The following SEMA3A variants were observed in gnomAD, a reference collection of about 807,000 sequenced individuals.
SEMA3A encodes semaphorin 3A, also known as semaphorin-3A.
SEMA3A carries 29 observed loss-of-function variants against 97.9 expected under a neutral mutation model. The ratio of observed to expected loss-of-function variants is 0.30; its 90% confidence interval spans 0.22 to 0.40. The LOEUF (loss-of-function observed/expected upper bound fraction) is 0.40, where lower values mean the gene tolerates loss of function less well. SEMA3A is among the 10% of genes least tolerant of loss of function. SEMA3A has a pLI of 1.00. For missense variants in SEMA3A, 763 were observed against 951.3 expected (o/e 0.80, Z 2.60); for synonymous variants, 321 against 323.7 (o/e 0.99, Z 0.09).
intron 3 of SEMA3A, among the ~76,000 whole-genome samples, chr7:84,256,105 T>C: frequency 6.6e-6 from 1 of 152,078 alleles, no homozygotes; most frequent in East Asian, 1.9e-4. Context: ...TACAGTCCCA[T>C]ACCTGCTTAA....
intron 2 of SEMA3A, among the ~76,000 whole-genome samples, chr7:84,310,089 T>G (rs1260972119): frequency 6.6e-6 from 1 of 152,108 alleles, no homozygotes; most frequent in Admixed American, 6.6e-5. Context: ...ATAGCCTAAT[T>G]ATACAATGGA....
chr7:84,212,499 G>A (rs1167196812), intron 3 of SEMA3A, among the ~76,000 whole-genome samples: 4 of 151,776 alleles, frequency 2.6e-5, no homozygotes, highest in Admixed American at 2.6e-4. Flanking sequence ...GTTTTAGGTT[G>A]CTATAACAAA....
chr7:83,993,566 C>T (rs931664331), intron 12 of SEMA3A, among the ~76,000 whole-genome samples: 8 of 149,300 alleles, frequency 5.4e-5, no homozygotes, highest in African/African-American at 1.0e-4. Flanking sequence ...ATTTCTCCTT[C>T]GCTTATGAAG....
chr7:84,308,824 C>CT (rs35125279), intron 2 of SEMA3A, among the ~76,000 whole-genome samples: 17 of 144,944 alleles, frequency 1.2e-4, no homozygotes, highest in Admixed American at 2.8e-4. Context: ...CTTTTTTTTT[C>CT]TTTTTTTTTT....
At chr7:84,445,475 C>T (rs1180877761) in intron 1 of SEMA3A, among the ~76,000 whole-genome samples, 1 of 82,800 alleles carries the variant, frequency 1.2e-5, no homozygotes, top group African/African-American at 4.5e-5. Context: ...GCCTGGGCGA[C>T]AGAGTGAGAC....
At chr7:84,158,062 A>C (rs1261202570) in intron 1 of SEMA3A, among the ~76,000 whole-genome samples, 1 of 150,664 alleles carries the variant, frequency 6.6e-6, no homozygotes, top group African/African-American at 2.4e-5. Context: ...AGCTGATGCT[A>C]TAACTTGGGT....
chr7:84,391,959 CA>C (rs34411145), intron 1 of SEMA3A, among the ~76,000 whole-genome samples: 16,906 of 144,020 alleles, frequency 0.12, 1,154 homozygotes, highest in East Asian at 0.3. Context: ...GACCCTGTCT[CA>C]AAAAAAAAAA....
intron 1 of SEMA3A, among the ~76,000 whole-genome samples, chr7:84,147,568 C>A (rs1796499489): frequency 6.6e-6 from 1 of 152,178 alleles, no homozygotes; most frequent in African/African-American, 2.4e-5. Flanking sequence ...ATCAAGTAAG[C>A]AGATCAGAGA....
chr7:84,396,054 A>T (rs2116191753), intron 1 of SEMA3A, among the ~76,000 whole-genome samples: 1 of 152,240 alleles, frequency 6.6e-6, no homozygotes, highest in Non-Finnish European at 1.5e-5. Flanking sequence ...CAAATAGTTA[A>T]AAATATCAAA....
chr7:84,055,513 C>T (rs901093327), intron 5 of SEMA3A, among the ~76,000 whole-genome samples: 1 of 152,006 alleles, frequency 6.6e-6, no homozygotes, highest in Non-Finnish European at 1.5e-5. Context: ...AAGGGAACTC[C>T]CTGACCCCTT....
At chr7:83,978,722 C>A (rs945790288) in intron 14 of SEMA3A, among the ~76,000 whole-genome samples, 1 of 152,138 alleles carries the variant, frequency 6.6e-6, no homozygotes, top group Non-Finnish European at 1.5e-5. Context: ...ATTGAGCCAA[C>A]AAGAGAACTT....
At chr7:84,146,157 C>G (rs1318582830) in intron 1 of SEMA3A, among the ~76,000 whole-genome samples, 1 of 152,132 alleles carries the variant, frequency 6.6e-6, no homozygotes, top group East Asian at 1.9e-4. Context: ...TTGCATGCCA[C>G]TTTTCTGCAT....
chr7:84,225,645 C>T (rs1027966835), intron 3 of SEMA3A, among the ~76,000 whole-genome samples: 1 of 152,020 alleles, frequency 6.6e-6, no homozygotes, highest in Non-Finnish European at 1.5e-5. Flanking sequence ...TGTTTGCCTG[C>T]ATCAATCACC....
intron 12 of SEMA3A, among the ~76,000 whole-genome samples, chr7:83,998,221 G>GA (rs1197536078): frequency 6.6e-6 from 1 of 152,042 alleles, no homozygotes; most frequent in Non-Finnish European, 1.5e-5. Flanking sequence ...GTCATTGTGC[G>GA]AAAAATCATA....
At chr7:84,482,087 A>G (rs984472062) in intron 1 of SEMA3A, among the ~76,000 whole-genome samples, 1 of 151,866 alleles carries the variant, frequency 6.6e-6, no homozygotes, top group Non-Finnish European at 1.5e-5. Context: ...AATTATATAT[A>G]TAGGCATTTG....
chr7:84,417,120 T>C (rs1469625474), intron 1 of SEMA3A, among the ~76,000 whole-genome samples: 1 of 152,090 alleles, frequency 6.6e-6, no homozygotes, highest in Non-Finnish European at 1.5e-5. Context: ...TTAATTCCAG[T>C]TCAGAGCAAT....
chr7:84,247,651 T>C (rs1466043976), intron 3 of SEMA3A, among the ~76,000 whole-genome samples: 1 of 152,202 alleles, frequency 6.6e-6, no homozygotes, highest in Non-Finnish European at 1.5e-5. Flanking sequence ...AGATGTAGAA[T>C]AAATAGCTGT....
chr7:84,488,349 C>CACACACACACAT (rs59656940), intron 1 of SEMA3A, among the ~76,000 whole-genome samples: 45 of 145,550 alleles, frequency 3.1e-4, no homozygotes, highest in African/African-American at 1.0e-3. Context: ...CACACACACA[C>CACACACACACAT]ATATATATAT....
chr7:84,261,069 A>G (rs1799845878), intron 3 of SEMA3A, among the ~76,000 whole-genome samples: 1 of 152,156 alleles, frequency 6.6e-6, no homozygotes, highest in South Asian at 2.1e-4. Flanking sequence ...TGGGATTACC[A>G]ACTGTGAGAA....
Sources: allele counts gnomAD v4.1 joint callset (sites outside exome capture counted in the v4.1 genomes callset), GRCh38; gene constraint gnomAD v4.1.1; transcripts MANE v1.5; gene names NCBI Gene and HGNC (gene_info 2026-07-23, HGNC 2026-07-21).